Variants in WDFY4 observed in about 807,000 individuals in gnomAD.
WDFY4 encodes the protein WD repeat- and FYVE domain-containing protein 4.
WDFY4 carries 169 observed loss-of-function variants against 351.9 expected under a neutral mutation model. That is an observed-to-expected ratio of 0.48 (90% confidence interval 0.42 to 0.55). The LOEUF is 0.55. Ranked by LOEUF, WDFY4 falls within the 20% of genes least tolerant of loss-of-function variation. The probability of loss-of-function intolerance (pLI) is 0.00; values close to 1 mark genes in which losing one functional copy is unlikely to be tolerated. For synonymous variants in WDFY4, 1,622 were observed against 1,574.6 expected (o/e 1.03, Z -0.71); for missense variants, 3,803 against 3,935.6 (o/e 0.97, Z 0.90).
At chr10:48,952,143 G>T (rs1389270444) in intron 51 of WDFY4, among the ~76,000 whole-genome samples, 1 of 152,212 alleles carries the variant, frequency 6.6e-6, no homozygotes, top group African/African-American at 2.4e-5. Context: ...AGGATTCTTG[G>T]TGGAGCGTGT....
At chr10:48,909,250 G>T (rs1359040438) in intron 47 of WDFY4, among the ~76,000 whole-genome samples, 2 of 152,148 alleles carry the variant, frequency 1.3e-5, no homozygotes, top group Non-Finnish European at 2.9e-5. Context: ...TTATCAAAAT[G>T]TTAGAATACA....
intron 57 of WDFY4, among the ~76,000 whole-genome samples, chr10:48,973,539 G>A (rs1048419139): frequency 1.3e-5 from 2 of 152,244 alleles, no homozygotes; most frequent in Non-Finnish European, 2.9e-5. Flanking sequence ...CCCTGAGGGT[G>A]GAGGTTTACC....
At chr10:48,704,455 G>A (rs917062518) in intron 1 of WDFY4, among the ~76,000 whole-genome samples, 4 of 152,072 alleles carry the variant, frequency 2.6e-5, no homozygotes, top group Non-Finnish European at 5.9e-5. Context: ...GAGTGGTCTT[G>A]TCTTTTCCTG....
At chr10:48,942,373 T>TGTGTGC (rs1840819004) in intron 48 of WDFY4, among the ~76,000 whole-genome samples, 1 of 21,076 alleles carries the variant, frequency 4.7e-5, no homozygotes, top group Admixed American at 5.9e-4. Context: ...GGAATGTGCG[T>TGTGTGC]GTGTGCGTGT....
intron 47 of WDFY4, chr10:48,913,553 C>G: frequency 6.2e-7 from 1 of 1,614,126 alleles, no homozygotes; most frequent in Non-Finnish European, 8.5e-7. Context: ...CCTTCTCCTC[C>G]ACAACATACA....
chr10:48,757,694 C>A (rs1408768499), intron 12 of WDFY4, among the ~76,000 whole-genome samples: 7 of 151,586 alleles, frequency 4.6e-5, no homozygotes, highest in Admixed American at 3.3e-4. Flanking sequence ...TTTTTGTGGA[C>A]AATTTGAATA....
intron 1 of WDFY4, among the ~76,000 whole-genome samples, chr10:48,698,349 C>T (rs1207727179): frequency 6.6e-6 from 1 of 152,222 alleles, no homozygotes; most frequent in Non-Finnish European, 1.5e-5. Context: ...GGGCTTGAAG[C>T]TTGTGGCTGT....
At chr10:48,915,148 T>C (rs184832270) in intron 47 of WDFY4, among the ~76,000 whole-genome samples, 32 of 152,302 alleles carry the variant, frequency 2.1e-4, no homozygotes, top group African/African-American at 7.5e-4. Flanking sequence ...CTTACAGAGC[T>C]ATGAGGGGGC....
intron 1 of WDFY4, among the ~76,000 whole-genome samples, chr10:48,697,599 C>G (rs17836383): frequency 6.6e-6 from 1 of 152,200 alleles, no homozygotes; most frequent in Non-Finnish European, 1.5e-5. Flanking sequence ...ATGCACATCT[C>G]GTTGGGTTAT....
At chr10:48,878,130 A>T (rs1329141671) in intron 43 of WDFY4, 4 of 152,444 alleles carry the variant, frequency 2.6e-5, no homozygotes, top group African/African-American at 9.6e-5. Context: ...ATCAAAGGTG[A>T]GTTGTTTTCC....
At chr10:48,750,322 C>T (rs1357493537) in intron 12 of WDFY4, among the ~76,000 whole-genome samples, 1 of 152,208 alleles carries the variant, frequency 6.6e-6, no homozygotes, top group Admixed American at 6.5e-5. Flanking sequence ...CCCATGATTC[C>T]CAGGAGGGAG....
At chr10:48,850,210 G>A (rs776925541) in intron 39 of WDFY4, among the ~76,000 whole-genome samples, 2 of 152,206 alleles carry the variant, frequency 1.3e-5, no homozygotes, top group African/African-American at 2.4e-5. Context: ...TTGGAATCAA[G>A]TCACTAAGTC....
chr10:48,841,772 G>A (rs2068615439), intron 39 of WDFY4, among the ~76,000 whole-genome samples: 3 of 152,186 alleles, frequency 2.0e-5, no homozygotes, highest in African/African-American at 7.2e-5. Context: ...AGTGCTAAAC[G>A]CAGTAACCTT....
chr10:48,697,289 G>C (rs1272825639), intron 1 of WDFY4, among the ~76,000 whole-genome samples: 1 of 152,200 alleles, frequency 6.6e-6, no homozygotes, highest in African/African-American at 2.4e-5. Context: ...GACCTGCTTT[G>C]TGATGTTCTA....
chr10:48,862,957 G>A (rs2069396552), intron 39 of WDFY4, among the ~76,000 whole-genome samples: 1 of 152,080 alleles, frequency 6.6e-6, no homozygotes, highest in Non-Finnish European at 1.5e-5. Context: ...TAATATTTGG[G>A]CTTTTGAAAT....
chr10:48,927,908 A>G (rs577597482), intron 47 of WDFY4, among the ~76,000 whole-genome samples: 54 of 152,334 alleles, frequency 3.5e-4, no homozygotes, highest in Middle Eastern at 3.4e-3. Context: ...AAATATTAAG[A>G]TGATTAGTTT....
intron 1 of WDFY4, among the ~76,000 whole-genome samples, chr10:48,703,609 A>G (rs926864272): frequency 6.6e-6 from 1 of 152,184 alleles, no homozygotes; most frequent in Non-Finnish European, 1.5e-5. Flanking sequence ...GCTCTGGGGC[A>G]GCTTTTCCTG....
At chr10:48,720,326 G>C (rs1358472417) in intron 3 of WDFY4, among the ~76,000 whole-genome samples, 1 of 152,144 alleles carries the variant, frequency 6.6e-6, no homozygotes, top group Non-Finnish European at 1.5e-5. Flanking sequence ...GGGGAGCCCT[G>C]CTGTTCCTGG....
chr10:48,745,217 C>G (rs1461106167), intron 12 of WDFY4, among the ~76,000 whole-genome samples: 1 of 152,034 alleles, frequency 6.6e-6, no homozygotes, highest in African/African-American at 2.4e-5. Context: ...TTTTGAATTT[C>G]CATTGTTACA....
Sources: gnomAD v4.1 joint callset for allele counts (sites outside exome capture counted in the v4.1 genomes callset) on GRCh38, gnomAD v4.1.1 for gene constraint, MANE v1.5 for transcripts, NCBI Gene and HGNC (gene_info 2026-07-23, HGNC 2026-07-21) for gene names.